The following DPYD variants were observed in gnomAD, a reference collection of about 807,000 sequenced individuals.
The protein encoded by DPYD is dihydropyrimidine dehydrogenase [NADP(+)].
A neutral mutation model predicts 116.2 loss-of-function variants in DPYD; 109 were observed. That is an observed-to-expected ratio of 0.94 (90% CI 0.80 to 1.10). The LOEUF (loss-of-function observed/expected upper bound fraction) is 1.10. Ranked by LOEUF, DPYD falls within the 50% of genes least tolerant of loss-of-function variation. The pLI is 0.00. For synonymous variants in DPYD, 440 were observed against 432.0 expected, an observed-to-expected ratio of 1.02 and a Z score of -0.23; for missense variants, 1,302 against 1,254.5, an observed-to-expected ratio of 1.04 and a Z score of -0.57.
At chr1:97,241,332 C>T (rs1013422407) in intron 18 of DPYD, among the ~76,000 whole-genome samples, 2 of 151,910 alleles carry the variant, frequency 1.3e-5, no homozygotes, top group African/African-American at 4.8e-5. Flanking sequence ...GTGATTTCCA[C>T]GTGCAGACAC....
At chr1:97,525,891 C>T (rs1223064565) in intron 12 of DPYD, among the ~76,000 whole-genome samples, 3 of 108,206 alleles carry the variant, frequency 2.8e-5, no homozygotes, top group Non-Finnish European at 5.5e-5. Flanking sequence ...TGTGTGCGCG[C>T]GCGCGTGTGT....
At chr1:97,849,018 G>T (rs957671552) in intron 2 of DPYD, among the ~76,000 whole-genome samples, 2 of 151,960 alleles carry the variant, frequency 1.3e-5, no homozygotes, top group South Asian at 4.2e-4. Flanking sequence ...TTGAGGCATT[G>T]GTTATGATAG....
intron 3 of DPYD, among the ~76,000 whole-genome samples, chr1:97,795,680 T>C (rs1360192472): frequency 6.6e-6 from 1 of 151,926 alleles, no homozygotes; most frequent in Non-Finnish European, 1.5e-5. Flanking sequence ...ATAATGGACA[T>C]ACTATACACA....
intron 8 of DPYD, among the ~76,000 whole-genome samples, chr1:97,649,527 T>C (rs1184449506): frequency 6.6e-6 from 1 of 152,088 alleles, no homozygotes; most frequent in Non-Finnish European, 1.5e-5. Flanking sequence ...TGGTTGGAAA[T>C]AACAATTAGT....
rs561009165 is a variant in DPYD at position 97,101,098 on chromosome 1, CA to C, written c.2623-2467del. On this transcript the variant is annotated intron_variant, in intron 20 of 22. Transcript: ENST00000370192. ...CTTGCCAATTTTTTTTAATTGAAAG[CA>C]AAAAAAAAAATACCAAATATCAGTG... Among the ~76,000 whole-genome samples the C allele has an allele frequency of 1.6e-3, 233 of 143,560 alleles. 1 individual carries two copies. The highest frequency in any genetic ancestry group is 2.2e-3 in the South Asian group (10 of 4,492). 94.2% of individuals were successfully genotyped at this position (143,560 alleles called of 152,430 possible).
At chr1:97,593,001 T>C (rs1423029189) in intron 10 of DPYD, among the ~76,000 whole-genome samples, 2 of 152,228 alleles carry the variant, frequency 1.3e-5, no homozygotes, top group East Asian at 1.9e-4. Flanking sequence ...CCCTTGAGTA[T>C]TGACAAAGAT....
chr1:97,852,032 A>G (rs960619126), intron 2 of DPYD, among the ~76,000 whole-genome samples: 10 of 151,450 alleles, frequency 6.6e-5, no homozygotes, highest in Non-Finnish European at 1.5e-4. Flanking sequence ...ACAAAAAAAA[A>G]AAAAAAGAAA....
Position 97,214,810 on chromosome 1 carries a change from C to G in DPYD, c.2442+20042G>C, listed in dbSNP as rs907001111. On this transcript the variant is annotated intron_variant, in intron 19 of 22. Coordinates refer to ENST00000370192, the MANE Select transcript of DPYD (RefSeq NM_000110.4). Reference sequence around the variant, plus strand: ...CTGAAGCTTGTGAAGCAGTGGCTAACTCAGTAATGCATTACCTTGTATTCA... The same window carrying G: ...CTGAAGCTTGTGAAGCAGTGGCTAAGTCAGTAATGCATTACCTTGTATTCA... Among the ~76,000 whole-genome samples the G allele has an allele frequency of 2.6e-5, 4 of 152,216 alleles. No homozygotes were observed. In the East Asian group the frequency reaches 5.8e-4, roughly 22 times the overall value.
At chr1:97,096,366 T>C (rs1557860096) in intron 21 of DPYD, among the ~76,000 whole-genome samples, 1 of 152,172 alleles carries the variant, frequency 6.6e-6, no homozygotes, top group Non-Finnish European at 1.5e-5. Context: ...TTATTTCAAA[T>C]ATAAATAATA....
At chr1:97,419,796 A>C (rs1204854727) in intron 14 of DPYD, among the ~76,000 whole-genome samples, 7 of 152,216 alleles carry the variant, frequency 4.6e-5, no homozygotes, top group Non-Finnish European at 1.0e-4. Flanking sequence ...TTTAATTGAG[A>C]AATTTCTAGG....
chr1:97,895,555 CTT>C (rs1673015912), intron 1 of DPYD, among the ~76,000 whole-genome samples: 1 of 151,602 alleles, frequency 6.6e-6, no homozygotes, highest in African/African-American at 2.4e-5. Flanking sequence ...TGGCAAGTGA[CTT>C]ATGTTAAAAA....
intron 16 of DPYD, among the ~76,000 whole-genome samples, chr1:97,316,512 T>TAAATAAAATA: frequency 2.8e-5 from 2 of 72,154 alleles, no homozygotes; most frequent in African/African-American, 3.8e-5. Context: ...AGACTCTGTC[T>TAAATAAAATA]CAATAAAATA....
chr1:97,862,421 T>C (rs1336053528), intron 2 of DPYD, among the ~76,000 whole-genome samples: 1 of 151,756 alleles, frequency 6.6e-6, no homozygotes, highest in Non-Finnish European at 1.5e-5. Context: ...AGAAAAAATA[T>C]ATTAAATAAG....
At position 97,257,489 on chromosome 1, in the gene DPYD, G is replaced by A. The variant is rs1227565174; in HGVS notation, c.2300-22495C>T. ...AAGAGAGAGAGAGCACGTGAGTTAT[G>A]TAAATATACATATACCATATCTCTA... On this transcript the variant is annotated intron_variant, in intron 18 of 22. Coordinates refer to ENST00000370192, the MANE Select transcript of DPYD (RefSeq NM_000110.4). Among the ~76,000 whole-genome samples the A allele has an allele frequency of 3.6e-5, 5 of 138,036 alleles. No homozygotes were observed. The South Asian group carries it at 7.4e-4, about 20-fold the overall frequency. The allele number at this position is 138,036 out of a possible 152,430, so 90.6% of individuals were successfully genotyped here. A position where few individuals can be genotyped will look rare whatever the true frequency, so the allele number is the denominator to read the frequency against.
intron 8 of DPYD, among the ~76,000 whole-genome samples, chr1:97,667,163 A>G (rs190715701): frequency 6.7e-4 from 102 of 152,312 alleles, no homozygotes; most frequent in African/African-American, 2.3e-3. Flanking sequence ...TCATTTATAG[A>G]CAAATTTTGT....
intron 20 of DPYD, among the ~76,000 whole-genome samples, chr1:97,151,513 A>G (rs1655014062): frequency 6.6e-6 from 1 of 152,018 alleles, no homozygotes. Flanking sequence ...CGTCTCTACT[A>G]AAAATACAAA....
chr1:97,720,191 C>G (rs1205233228), intron 5 of DPYD: 5 of 981,046 alleles, frequency 5.1e-6, no homozygotes, highest in Non-Finnish European at 4.8e-6. Context: ...CACACACAAA[C>G]ACACACACCT....
chr1:97,101,154 T>G (rs1650654745), intron 20 of DPYD, among the ~76,000 whole-genome samples: 1 of 151,608 alleles, frequency 6.6e-6, no homozygotes, highest in African/African-American at 2.4e-5. Flanking sequence ...ACCAAGCATC[T>G]CCACATCAAA....
chr1:97,094,116 C>T (rs1650069564), intron 21 of DPYD, among the ~76,000 whole-genome samples: 1 of 152,042 alleles, frequency 6.6e-6, no homozygotes, highest in South Asian at 2.1e-4. Context: ...GTTACTTTCT[C>T]AGTCTTCATT....
Sources: gnomAD v4.1 joint callset for allele counts (sites outside exome capture counted in the v4.1 genomes callset) on GRCh38, gnomAD v4.1.1 for gene constraint, MANE v1.5 for transcripts, NCBI Gene and HGNC (gene_info 2026-07-23, HGNC 2026-07-21) for gene names.